Variants in RIOX2 observed in about 807,000 individuals in gnomAD.
The protein encoded by RIOX2 is 60S ribosomal protein L27a histidine hydroxylase.
Under a neutral mutation model 51.2 loss-of-function variants are expected in RIOX2, and 43 were observed. That is an observed-to-expected ratio of 0.84 (90% CI 0.66 to 1.08). RIOX2 has a LOEUF of 1.08. RIOX2 is among the 50% of genes least tolerant of loss of function. The pLI, the probability that RIOX2 is intolerant of heterozygous loss-of-function variation, is 0.00. For missense variants in RIOX2, 566 were observed against 561.7 expected (o/e 1.01, Z -0.08); for synonymous variants, 226 against 218.5 (o/e 1.03, Z -0.30).
At chr3:97,953,786 AC>A (rs1245161677) in intron 5 of RIOX2, among the ~76,000 whole-genome samples, 4 of 152,162 alleles carry the variant, frequency 2.6e-5, no homozygotes, top group African/African-American at 9.7e-5. Flanking sequence ...GCTGAAATGA[AC>A]ATGATTTTAA....
Position 97,945,852 on chromosome 3 carries a change from A to ATGAT in RIOX2, c.1181_1184dup (p.His395GlnfsTer7), listed in dbSNP as rs781652593. Reference sequence around the variant, plus strand: ...GTGTCTCTCTACTATTCTTTAAGGAATGATAGATGTACACCATCTTTTCTT... The same window carrying ATGAT: ...GTGTCTCTCTACTATTCTTTAAGGAATGATTGATAGATGTACACCATCTTTTCTT... On this transcript the variant is annotated frameshift_variant, in exon 9 of 10. Transcript: ENST00000394198. LOFTEE classifies it high-confidence loss of function. The ATGAT allele has an allele frequency of 2.9e-5, 47 of 1,610,694 alleles. No individual in the cohort carries two copies. Among genetic ancestry groups the ATGAT allele is most frequent in the Non-Finnish European group, 4.0e-5 (47 of 1,177,448 alleles).
intron 3 of RIOX2, among the ~76,000 whole-genome samples, chr3:97,960,918 T>C (rs1189550165): frequency 6.6e-6 from 1 of 152,214 alleles, no homozygotes; most frequent in Non-Finnish European, 1.5e-5. Flanking sequence ...AGATATTCTA[T>C]TAAAAATATT....
At chr3:97,964,882 A>G (rs892885029) in intron 2 of RIOX2, among the ~76,000 whole-genome samples, 1 of 152,082 alleles carries the variant, frequency 6.6e-6, no homozygotes, top group Non-Finnish European at 1.5e-5. Context: ...CTTTTAATAT[A>G]TGGATTACTG....
intron 4 of RIOX2, among the ~76,000 whole-genome samples, chr3:97,956,564 T>A (rs2107163781): frequency 6.6e-6 from 1 of 151,912 alleles, no homozygotes; most frequent in East Asian, 1.9e-4. Flanking sequence ...TGGCGTGATC[T>A]CGGTCACTGC....
intron 3 of RIOX2, among the ~76,000 whole-genome samples, chr3:97,960,158 C>T (rs1705622056): frequency 6.6e-6 from 1 of 152,096 alleles, no homozygotes; most frequent in Non-Finnish European, 1.5e-5. Flanking sequence ...ATATGATGTG[C>T]CACTACTGCT....
chr3:97,964,527 T>TA (rs1169735111), intron 2 of RIOX2, among the ~76,000 whole-genome samples: 30 of 141,892 alleles, frequency 2.1e-4, no homozygotes, highest in South Asian at 4.5e-4. Context: ...CCATCTCTAC[T>TA]AAAAAAAAAA....
At position 97,960,870 on chromosome 3, in the gene RIOX2, T is replaced by C. The variant is rs548994194; in HGVS notation, c.552+719A>G. Among the ~76,000 whole-genome samples, 70 of 152,268 alleles carry C rather than the reference T, an allele frequency of 4.6e-4. 2 individuals are homozygous for C. In the South Asian group the frequency reaches 8.7e-3, roughly 19 times the overall value. ...TGAATGTTGAAAGGGCCTGGGGAGA[T>C]AGGAAAACTTCGAGTTTTTTATTCT... On this transcript the variant is annotated intron_variant, in intron 3 of 9. Coordinates refer to ENST00000394198, the MANE Select transcript of RIOX2 (RefSeq NM_153182.4).
chr3:97,955,033 A>G (rs1705400061), intron 4 of RIOX2, among the ~76,000 whole-genome samples: 1 of 152,180 alleles, frequency 6.6e-6, no homozygotes, highest in Non-Finnish European at 1.5e-5. Context: ...CTCTTAGGGC[A>G]ATGATGGGCA....
Position 97,952,080 on chromosome 3 carries a change from C to G in RIOX2, c.786-1192G>C. The G allele has an allele frequency of 1.0e-5, 9 of 898,230 alleles. No homozygotes were observed. In the South Asian group the frequency reaches 1.2e-4, roughly 12 times the overall value. The allele number at this position is 898,230 out of a possible 1,614,324, so 55.6% of individuals were successfully genotyped here. On this transcript the variant is annotated intron_variant, in intron 5 of 9. Transcript: ENST00000394198. ...TTTGGTAAAACAACCAAATCAACAA[C>G]ATACAGCAGACCCCCAAACACTCCA...
In RIOX2 at chr3:97,946,586, G is replaced by GTATATATA. The variant is rs4061087; in HGVS notation, c.1150-707_1150-700dup. On this transcript the variant is annotated intron_variant, in intron 8 of 9. Transcript: ENST00000394198. ...TGTAGGAATGTGTACTTTTGAGGAT[G>GTATATATA]TATATATATATATATATATATCTAT... Among the ~76,000 whole-genome samples, 1,121 of 127,572 alleles carry GTATATATA rather than the reference G, an allele frequency of 8.8e-3. 36 individuals carry two copies. Among genetic ancestry groups the GTATATATA allele is most frequent in the African/African-American group, 0.02 (605 of 30,036 alleles). The allele number at this position is 127,572 out of a possible 152,430, so 83.7% of individuals were successfully genotyped here.
intron 2 of RIOX2, among the ~76,000 whole-genome samples, chr3:97,965,426 C>T (rs539072426): frequency 4.6e-5 from 7 of 151,488 alleles, no homozygotes; most frequent in African/African-American, 1.5e-4. Context: ...GCAGAAGGAT[C>T]ACTTGAACCC....
intron 2 of RIOX2, among the ~76,000 whole-genome samples, chr3:97,966,082 C>T (rs1265685230): frequency 6.6e-6 from 1 of 152,196 alleles, no homozygotes; most frequent in African/African-American, 2.4e-5. Context: ...TAAGAGCACT[C>T]ATACCTCATA....
intron 8 of RIOX2, 80 bp from the exon 9 acceptor site, chr3:97,945,967 G>A (rs2040348024): frequency 2.1e-6 from 2 of 959,790 alleles, no homozygotes; most frequent in Non-Finnish European, 3.2e-6. Flanking sequence ...TTTCCAATAG[G>A]TCAACACCAA....
At chr3:97,951,109 C>A in intron 5 of RIOX2, 1 of 469,716 alleles carries the variant, frequency 2.1e-6, no homozygotes, top group East Asian at 3.5e-5. Flanking sequence ...CACTCACTTG[C>A]AAAGTTAAAA....
chr3:97,956,537 C>G (rs1705458252), intron 4 of RIOX2, among the ~76,000 whole-genome samples: 1 of 150,858 alleles, frequency 6.6e-6, no homozygotes, highest in Non-Finnish European at 1.5e-5. Flanking sequence ...GTTCTTGTTG[C>G]CCAGGCTGGA....
intron 9 of RIOX2, 44 bp downstream of exon 9, chr3:97,945,754 C>CA: frequency 7.1e-7 from 1 of 1,407,428 alleles, no homozygotes; most frequent in Non-Finnish European, 1.0e-6. Context: ...TCCCAACCAC[C>CA]ACCCAAGTCA....
At chr3:97,958,813 T>C (rs746994061) in intron 4 of RIOX2, among the ~76,000 whole-genome samples, 6 of 152,176 alleles carry the variant, frequency 3.9e-5, no homozygotes, top group Non-Finnish European at 7.4e-5. Flanking sequence ...AACAGGTTAT[T>C]TGGGAAATGA....
chr3:97,968,232 G>C (rs77183131), intron 1 of RIOX2, among the ~76,000 whole-genome samples: 3,166 of 152,088 alleles, frequency 0.021, 65 homozygotes, highest in Non-Finnish European at 0.027. Flanking sequence ...ACCTGAACCT[G>C]CTCACTTCCA....
At chr3:97,960,148 A>G (rs1382436392) in intron 3 of RIOX2, among the ~76,000 whole-genome samples, 1 of 152,174 alleles carries the variant, frequency 6.6e-6, no homozygotes, top group Non-Finnish European at 1.5e-5. Context: ...CATGGGACCC[A>G]TATGATGTGC....
Sources: gnomAD v4.1 joint callset for allele counts (sites outside exome capture counted in the v4.1 genomes callset) on GRCh38, gnomAD v4.1.1 for gene constraint, MANE v1.5 for transcripts, NCBI Gene and HGNC (gene_info 2026-07-23, HGNC 2026-07-21) for gene names.